RASSF8: variants seen among roughly 807,000 people sequenced by gnomAD.
The protein encoded by RASSF8 is ras association domain-containing protein 8.
RASSF8 carries 22 observed loss-of-function variants against 48.5 expected under a neutral mutation model. That is an observed-to-expected ratio of 0.45 (90% CI 0.32 to 0.65). The LOEUF (loss-of-function observed/expected upper bound fraction) is 0.65, where lower values mean the gene tolerates loss of function less well. RASSF8 is among the 30% of genes least tolerant of loss of function. The pLI is 0.03. For missense variants in RASSF8, 418 were observed against 489.2 expected, an observed-to-expected ratio of 0.85 and a Z score of 1.37; for synonymous variants, 127 against 171.5, an observed-to-expected ratio of 0.74 and a Z score of 2.03.
At chr12:25,981,703 T>A (rs1333694254) in intron 1 of RASSF8, among the ~76,000 whole-genome samples, 5 of 152,226 alleles carry the variant, frequency 3.3e-5, no homozygotes, top group African/African-American at 1.2e-4. Flanking sequence ...CCTTGCTGTT[T>A]CTTGTAAAAT....
chr12:26,073,734 T>A (rs1183444834), downstream of RASSF8, among the ~76,000 whole-genome samples: 2 of 122,616 alleles, frequency 1.6e-5, no homozygotes, highest in Non-Finnish European at 3.4e-5. Context: ...AGCGAGACTC[T>A]CTCTCTCTCT....
At chr12:26,065,494 AC>A (rs1172086933) in intron 4 of RASSF8, 107 bp downstream of exon 4, 23 of 1,394,120 alleles carry the variant, frequency 1.6e-5, no homozygotes, top group Non-Finnish European at 2.1e-5. Flanking sequence ...AGAATTAGAA[AC>A]CCAGCCTTGT....
At chr12:26,046,329 A>C (rs1323513862) in intron 2 of RASSF8, among the ~76,000 whole-genome samples, 1 of 152,212 alleles carries the variant, frequency 6.6e-6, no homozygotes, top group Admixed American at 6.5e-5. Flanking sequence ...CATGAATAGA[A>C]GTAACTGTGT....
chr12:26,022,698 T>C (rs1246731361), intron 2 of RASSF8, among the ~76,000 whole-genome samples: 1 of 72,052 alleles, frequency 1.4e-5, no homozygotes, highest in East Asian at 4.4e-4. Context: ...AAAAGTATAA[T>C]AACAAAAAAA....
intron 3 of RASSF8, among the ~76,000 whole-genome samples, chr12:26,056,243 CA>C (rs1246992776): frequency 2.2e-4 from 34 of 152,110 alleles, no homozygotes; most frequent in Non-Finnish European, 3.7e-4. Flanking sequence ...CTCTTGGCTT[CA>C]TGTTATTCTC....
intron 1 of RASSF8, among the ~76,000 whole-genome samples, chr12:25,967,501 TCTG>T (rs1263571282): frequency 2.6e-5 from 4 of 152,224 alleles, no homozygotes; most frequent in Non-Finnish European, 5.9e-5. Context: ...CCTGTTGTAT[TCTG>T]CTGAGTAATG....
At chr12:26,047,599 A>T (rs1477030808) in intron 2 of RASSF8, among the ~76,000 whole-genome samples, 1 of 152,192 alleles carries the variant, frequency 6.6e-6, no homozygotes, top group Non-Finnish European at 1.5e-5. Flanking sequence ...CAGTGAAATG[A>T]CTGTACTAGT....
intron 1 of RASSF8, among the ~76,000 whole-genome samples, chr12:25,979,675 G>A (rs1414371333): frequency 1.3e-5 from 2 of 152,186 alleles, no homozygotes; most frequent in Non-Finnish European, 2.9e-5. Context: ...TAGGTAAGAA[G>A]TGGAGCAGAG....
At chr12:26,060,192 T>TG (rs1467753149) in intron 3 of RASSF8, among the ~76,000 whole-genome samples, 1 of 152,186 alleles carries the variant, frequency 6.6e-6, no homozygotes, top group African/African-American at 2.4e-5. Flanking sequence ...CCACCGTGCC[T>TG]GACCACTATT....
chr12:26,074,474 C>T (rs1417281049), downstream of RASSF8, among the ~76,000 whole-genome samples: 1 of 151,982 alleles, frequency 6.6e-6, no homozygotes, highest in Non-Finnish European at 1.5e-5. Context: ...TCCTGAGTAG[C>T]TGGGATTACA....
chr12:25,978,753 A>G (rs924589390), intron 1 of RASSF8, among the ~76,000 whole-genome samples: 1 of 151,836 alleles, frequency 6.6e-6, no homozygotes, highest in Non-Finnish European at 1.5e-5. Context: ...TGGTGGCATT[A>G]TTTATGAGGT....
rs116309050 is a variant in RASSF8 at position 26,010,032 on chromosome 12, G to A, written c.-109+14902G>A. ...GTGGTGGTCCTGGAGTGAGGGTGAG[G>A]GGGTGGCATCCTGATGCCCACAGGG... On this transcript the variant is annotated intron_variant, in intron 2 of 5. Transcript: ENST00000689635. Among the ~76,000 whole-genome samples the A allele has an allele frequency of 3.0e-3, 454 of 152,204 alleles. 3 individuals carry two copies. The highest frequency in any genetic ancestry group is 0.011 in the African/African-American group (440 of 41,528).
chr12:26,071,948 C>G lies in RASSF8; in HGVS notation c.*3130C>G, dbSNP rs1717116599. 1 of 985,286 alleles carries G rather than the reference C, an allele frequency of 1.0e-6. No homozygotes were observed. 61.0% of individuals were successfully genotyped at this position (985,286 alleles called of 1,614,324 possible). A position where few individuals can be genotyped will look rare whatever the true frequency, so the allele number is the denominator to read the frequency against. On this transcript the variant is annotated 3_prime_UTR_variant, in exon 6 of 6. Coordinates refer to ENST00000689635, the MANE Select transcript of RASSF8 (RefSeq NM_001394098.1). ...GGATAATTTTCTCTGTGAATAAGAG[C>G]AAAATGGTCTTCAGAGAAACAGACT...
At chr12:25,972,403 GGA>G (rs1003938834) in intron 1 of RASSF8, among the ~76,000 whole-genome samples, 25 of 151,968 alleles carry the variant, frequency 1.6e-4, no homozygotes, top group African/African-American at 6.0e-4. Flanking sequence ...CTGAGTAAGA[GGA>G]GAGAGTGGCT....
In RASSF8 at chr12:25,984,932, T is replaced by G. The variant is rs964882986; in HGVS notation, c.-202-10105T>G. On this transcript the variant is annotated intron_variant, in intron 1 of 5. Transcript: ENST00000689635. ...GATCAGACCATTTTTGGAAAGTTGT[T>G]TTTAGTTTTGGGTGCCAAATTTTAT... is the stretch of plus-strand genomic sequence containing the variant. Among the ~76,000 whole-genome samples, 4 of 152,150 alleles carry G rather than the reference T, an allele frequency of 2.6e-5. No individual in the cohort carries two copies. The East Asian group carries it at 7.7e-4, about 29-fold the overall frequency.
chr12:26,016,706 C>T (rs949950180), intron 2 of RASSF8, among the ~76,000 whole-genome samples: 3 of 152,176 alleles, frequency 2.0e-5, no homozygotes, highest in South Asian at 2.1e-4. Flanking sequence ...CAGTTATCCA[C>T]GTCAGTCCAT....
In RASSF8 at chr12:25,993,615, C is replaced by T. The variant is rs185182063; in HGVS notation, c.-202-1422C>T. ...TTCAATTTGCTATCCAGTCGTCTTT[C>T]GCAGCAGGGTTGACCCTTCATTGCT... On this transcript the variant is annotated intron_variant, in intron 1 of 5. Transcript: ENST00000689635. 3.3e-3 allele frequency among the ~76,000 whole-genome samples: 495 copies of T among 152,284 alleles called. 5 individuals are homozygous for T. Among genetic ancestry groups the T allele is most frequent in the African/African-American group, 0.011 (456 of 41,570 alleles).
intron 1 of RASSF8, among the ~76,000 whole-genome samples, chr12:25,963,937 A>G (rs1208924787): frequency 6.6e-6 from 1 of 152,242 alleles, no homozygotes; most frequent in Non-Finnish European, 1.5e-5. Context: ...CTAGTCAGGA[A>G]GGCATGAGAA....
intron 2 of RASSF8, among the ~76,000 whole-genome samples, chr12:26,008,430 A>G (rs779625630): frequency 2.8e-4 from 42 of 152,264 alleles, no homozygotes; most frequent in Non-Finnish European, 5.6e-4. Flanking sequence ...ATTCTTTGCA[A>G]ATTTGCCTTA....
Sources: gnomAD v4.1 joint callset for allele counts (sites outside exome capture counted in the v4.1 genomes callset) on GRCh38, gnomAD v4.1.1 for gene constraint, MANE v1.5 for transcripts, NCBI Gene and HGNC (gene_info 2026-07-23, HGNC 2026-07-21) for gene names.